The following PLEKHG4 variants were observed in gnomAD, a reference collection of about 807,000 sequenced individuals.
PLEKHG4 encodes the protein pleckstrin homology and RhoGEF domain containing G4.
Under a neutral mutation model 136.9 loss-of-function variants are expected in PLEKHG4, and 85 were observed. The ratio of observed to expected loss-of-function variants is 0.62; its 90% CI spans 0.52 to 0.74. The LOEUF (loss-of-function observed/expected upper bound fraction) is 0.74. Among genes scored for constraint, PLEKHG4 ranks in the 30% least tolerant of loss-of-function variants. The pLI is 0.00. For synonymous variants in PLEKHG4, 577 were observed against 646.9 expected, an observed-to-expected ratio of 0.89 and a Z score of 1.64; for missense variants, 1,317 against 1,527.8, an observed-to-expected ratio of 0.86 and a Z score of 2.30.
rs1196122953 is a variant in PLEKHG4, at chr16:67,280,920, T to C, written c.634T>C (p.Cys212Arg). ...DVQGRAVLLL[C>R]AHSPAWLQSE... ...CCAAGGCCGGGCAGTGCTGCTTCTG[T>C]GTGCCCACAGCCCAGCCTGGCTTCA... The change falls in exon 4 of 22, where the codon TGT becomes CGT. Residue 212 changes from cysteine to arginine, a missense_variant. Coordinates refer to ENST00000379344, the MANE Select transcript of PLEKHG4 (RefSeq NM_001129729.3). This position sits in a 1 kb window ranked among gnomAD's most constrained non-coding sequence, Gnocchi z 4.4. 11 of 1,613,004 alleles carry C rather than the reference T, an allele frequency of 6.8e-6. No homozygotes were observed. Among genetic ancestry groups the C allele is most frequent in the Non-Finnish European group, 9.3e-6 (11 of 1,180,024 alleles).
At chr16:67,282,155 C>G (rs1302085722) in intron 8 of PLEKHG4, 46 bp from the exon 9 acceptor site, 3 of 1,596,492 alleles carry the variant, frequency 1.9e-6, no homozygotes, top group African/African-American at 1.3e-5. Flanking sequence ...TGTCTCCCTC[C>G]TTCTCTCCCA....
At chr16:67,287,243 G>A (rs944331258) in intron 18 of PLEKHG4, 66 bp downstream of exon 18, 1 of 1,533,578 alleles carries the variant, frequency 6.5e-7, no homozygotes, top group Non-Finnish European at 8.9e-7. Context: ...ACCCACAGGA[G>A]CCCAGAGACC....
At chr16:67,279,819 G>A in intron 1 of PLEKHG4, 57 bp from the exon 2 acceptor site, 1 of 564,592 alleles carries the variant, frequency 1.8e-6, no homozygotes, top group Non-Finnish European at 3.2e-6. Context: ...AGGCCCACGG[G>A]CGTCCGACGG....
Position 67,288,552 on chromosome 16 carries a change from G to A in PLEKHG4, c.3518G>A (p.Ser1173Asn). The change falls in exon 21 of 22, where the codon AGC becomes AAC. Residue 1173 changes from serine (S) to asparagine (N), a missense_variant. By Grantham distance (46) the Ser-to-Asn change is conservative. Coordinates refer to ENST00000379344, the MANE Select transcript of PLEKHG4 (RefSeq NM_001129729.3). ...PSASGSSGSDSSCVSGQALGR... is the reference protein window; with the variant it reads ...PSASGSSGSDNSCVSGQALGR... Reference sequence around the variant, plus strand: ...GCCAGTGGCTCCAGTGGCTCTGACAGCAGCTGTGTGTCAGGGCAGGCCCTG... The same window carrying A: ...GCCAGTGGCTCCAGTGGCTCTGACAACAGCTGTGTGTCAGGGCAGGCCCTG... 2 of 1,613,758 alleles carry A rather than the reference G, an allele frequency of 1.2e-6. No individual in the cohort carries two copies. The highest frequency in any genetic ancestry group is 1.3e-5 in the African/African-American group (1 of 75,060).
rs959628433 is a variant in PLEKHG4, at chr16:67,289,327, T to C, written c.*519T>C. ...CCTTTTTACTGGGGCAGTTTCGTTA[T>C]TTTGACTTGATGCCTTTTGAATAAC... On this transcript the variant is annotated 3_prime_UTR_variant, in exon 22 of 22. Coordinates refer to ENST00000379344, the MANE Select transcript of PLEKHG4 (RefSeq NM_001129729.3). The C allele has an allele frequency of 2.1e-6, 1 of 468,430 alleles. No homozygotes were observed. Among genetic ancestry groups the C allele is most frequent in the African/African-American group, 2.0e-5 (1 of 50,778 alleles). 29.0% of individuals were successfully genotyped at this position (468,430 alleles called of 1,614,324 possible). A position where few individuals can be genotyped will look rare whatever the true frequency, so the allele number is the denominator to read the frequency against.
chr16:67,281,040 C>T (rs763366247), intron 4 of PLEKHG4, 35 bp downstream of exon 4: 1 of 1,613,936 alleles, frequency 6.2e-7, no homozygotes, highest in Non-Finnish European at 8.5e-7. Context: ...TGAGCCTGAG[C>T]CAGCTGTGAG....
rs886041026 is a variant in PLEKHG4 at position 67,280,029 on chromosome 16, C to G, written c.-16C>G. On this transcript the variant is annotated 5_prime_UTR_variant, in exon 2 of 22. Transcript: ENST00000379344. The surrounding 1 kb of genome is among the most constrained non-coding windows in gnomAD (Gnocchi z 4.4). The stretch of plus-strand genomic sequence containing the variant: ...CTCCCGCTGGCCCCGAGCAGGCCCA[C>G]CTTTAGGAGGGCGTGATGGAAAGGC... 1.2e-6 allele frequency: 2 copies of G among 1,611,686 alleles called. No individual in the cohort carries two copies. The highest frequency in any genetic ancestry group is 2.7e-5 in the African/African-American group (2 of 74,908).
chr16:67,281,157 C>A lies in PLEKHG4; in HGVS notation c.786C>A (p.Ser262=). Residue 262 remains serine (S), a synonymous_variant, in exon 5 of 22, where the codon TCC becomes TCA. Coordinates refer to ENST00000379344, the MANE Select transcript of PLEKHG4 (RefSeq NM_001129729.3). ...VDARICAPSS[S]LFSGLSQLQE... ...CCCGAATTTGTGCTCCAAGTTCTTC[C>A]CTCTTCTCTGGGCTCAGCCAACTAC... is the stretch of plus-strand genomic sequence containing the variant. The A allele has an allele frequency of 6.2e-7, 1 of 1,613,910 alleles. No individual in the cohort carries two copies. Among genetic ancestry groups the A allele is most frequent in the Non-Finnish European group, 8.5e-7 (1 of 1,179,844 alleles).
At position 67,280,560 on chromosome 16, in the gene PLEKHG4, T is replaced by G; in HGVS notation, c.499+17T>G. ...TGGAGGCAGGTAAGGAAGGCTGGGC[T>G]AGGGAAGTCTGGGAAGGGAATGGGG... is the stretch of plus-strand genomic sequence containing the variant. On this transcript the variant is annotated intron_variant, in intron 2 of 21. Transcript: ENST00000379344. The surrounding 1 kb of genome is among the most constrained non-coding windows in gnomAD (Gnocchi z 4.4). 1 of 1,612,982 alleles carries G rather than the reference T, an allele frequency of 6.2e-7. No homozygotes were observed. The highest frequency in any genetic ancestry group is 2.2e-5 in the East Asian group (1 of 44,870).
chr16:67,287,725 C>T (rs547342913), intron 18 of PLEKHG4, 173 bp from the exon 19 acceptor site: 19 of 678,950 alleles, frequency 2.8e-5, no homozygotes, highest in Non-Finnish European at 4.6e-5. Flanking sequence ...GAATATGGCA[C>T]CTGCCCCACA....
At chr16:67,285,574 C>T in intron 14 of PLEKHG4, 38 bp downstream of exon 14, 1 of 1,600,126 alleles carries the variant, frequency 6.2e-7, no homozygotes, top group Non-Finnish European at 8.5e-7. Flanking sequence ...GCTCGTTCTG[C>T]CACACTCCCG....
rs561996240 is a variant in PLEKHG4, at chr16:67,286,917, A to G, written c.2923A>G (p.Lys975Glu). The change falls in exon 17 of 22, where the codon AAG (lysine) becomes GAG (glutamate). Residue 975 changes from lysine (K) to glutamate (E), a missense_variant and splice_region_variant. Physicochemically the swap from Lys to Glu is moderately conservative, Grantham distance 56 (BLOSUM62 1). Coordinates refer to ENST00000379344, the MANE Select transcript of PLEKHG4 (RefSeq NM_001129729.3). ...CACATTTGCCTACAAGCGCTCCTTC[A>G]AGGTAGGCCTGCCCACCCCAGGCCC... ...VDTFAYKRSF[K>E]MADLGLTECC... is the part of the protein sequence containing the mutation. 13 of 1,613,758 alleles carry G rather than the reference A, an allele frequency of 8.1e-6. No individual in the cohort carries two copies. In the South Asian group the frequency reaches 1.4e-4, roughly 18 times the overall value.
chr16:67,285,263 T>G (rs1597383122), intron 13 of PLEKHG4, 27 bp from the exon 14 acceptor site: 1 of 1,613,824 alleles, frequency 6.2e-7, no homozygotes, highest in Non-Finnish European at 8.5e-7. Flanking sequence ...AGAGATGTCT[T>G]GGGTCCTGAC....
rs893350612 is a variant in PLEKHG4 at position 67,280,876 on chromosome 16, C to T, written c.596-6C>T. ...ACGGCAGGAGTTCACTGCTTCCTCCCCACAGGGACTCGGGATGTCCAAGGC... is the reference window on the plus strand; with the variant it reads ...ACGGCAGGAGTTCACTGCTTCCTCCTCACAGGGACTCGGGATGTCCAAGGC... On this transcript the variant is annotated splice_region_variant and splice_polypyrimidine_tract_variant and intron_variant, in intron 3 of 21. Coordinates refer to ENST00000379344, the MANE Select transcript of PLEKHG4 (RefSeq NM_001129729.3). The surrounding 1 kb of genome is among the most constrained non-coding windows in gnomAD (Gnocchi z 4.4). The T allele has an allele frequency of 6.2e-7, 1 of 1,613,120 alleles. No individual in the cohort carries two copies. The highest frequency in any genetic ancestry group is 1.3e-5 in the African/African-American group (1 of 75,060).
chr16:67,285,094 C>T lies in PLEKHG4; in HGVS notation c.2074C>T (p.His692Tyr), dbSNP rs2036405939. The stretch of plus-strand genomic sequence containing the variant: ...GCAGAGTCTCAGTGAACCTGCCTGC[C>T]ACTGCCACCATGCGGCCACTATTGC... The part of the protein sequence containing the change: ...LGQSLSEPAC[H>Y]CHHAATIAAC... Residue 692 changes from histidine (H) to tyrosine (Y), a missense_variant, in exon 13 of 22, where the codon CAC (histidine) becomes TAC (tyrosine). Coordinates refer to ENST00000379344, the MANE Select transcript of PLEKHG4 (RefSeq NM_001129729.3). The T allele has an allele frequency of 6.2e-7, 1 of 1,613,444 alleles. No individual in the cohort carries two copies. The highest frequency in any genetic ancestry group is 8.5e-7 in the Non-Finnish European group (1 of 1,180,034).
At position 67,284,189 on chromosome 16, in the gene PLEKHG4, A is replaced by G. The variant is rs2036351628; in HGVS notation, c.1510-86A>G. The G allele has an allele frequency of 8.6e-7, 1 of 1,168,618 alleles. No individual in the cohort carries two copies. The highest frequency in any genetic ancestry group is 1.5e-5 in the African/African-American group (1 of 66,066). The allele number at this position is 1,168,618 out of a possible 1,614,324, so 72.4% of individuals were successfully genotyped here. The stretch of plus-strand genomic sequence containing the variant: ...ACCACAGGACAGACTTGATGGGGAC[A>G]TGTCGATATGTCAGCAGGAAGTATC... On this transcript the variant is annotated intron_variant, in intron 11 of 21. Transcript: ENST00000379344. The surrounding 1 kb of genome is among the most constrained non-coding windows in gnomAD (Gnocchi z 4.4).
rs1338644219 is a variant in PLEKHG4 at position 67,279,577 on chromosome 16, T to C, written c.-219T>C. 2 of 152,118 alleles carry C rather than the reference T, an allele frequency of 1.3e-5. No homozygotes were observed. Among genetic ancestry groups the C allele is most frequent in the Non-Finnish European group, 2.9e-5 (2 of 68,110 alleles). 9.4% of individuals were successfully genotyped at this position (152,118 alleles called of 1,614,324 possible). On this transcript the variant is annotated 5_prime_UTR_variant, in exon 1 of 22. Coordinates refer to ENST00000379344, the MANE Select transcript of PLEKHG4 (RefSeq NM_001129729.3). ...TGTAGTGGCCGTCGAGGCCGCCGTC[T>C]GTTCGAAGGCTGTCCGACTTCACGG...
rs929084926 is a variant in PLEKHG4 at position 67,284,202 on chromosome 16, A to C, written c.1510-73A>C. 7.5e-7 allele frequency: 1 copy of C among 1,341,246 alleles called. No homozygotes were observed. The allele number at this position is 1,341,246 out of a possible 1,614,324, so 83.1% of individuals were successfully genotyped here. The stretch of plus-strand genomic sequence containing the variant: ...CTTGATGGGGACATGTCGATATGTC[A>C]GCAGGAAGTATCTGAGTCTGGGGGC... On this transcript the variant is annotated intron_variant, in intron 11 of 21. Coordinates refer to ENST00000379344, the MANE Select transcript of PLEKHG4 (RefSeq NM_001129729.3). The surrounding 1 kb of genome is among the most constrained non-coding windows in gnomAD (Gnocchi z 4.4).
rs145774796 is a variant in PLEKHG4 at position 67,281,584 on chromosome 16, C to T, written c.831C>T (p.Ala277=). 5.5e-5 allele frequency: 88 copies of T among 1,613,492 alleles called. No homozygotes were observed. Among genetic ancestry groups the T allele is most frequent in the Middle Eastern group, 1.6e-4 (1 of 6,084 alleles). ...LSQLQEAAPG[A]VYQVLLVGST... ...CCTTGCAGGAAGCAGCCCCAGGGGC[C>T]GTGTACCAGGTGCTGCTAGTGGGAA... The change falls in exon 6 of 22, where the codon GCC becomes GCT. Residue 277 remains alanine (A), a synonymous_variant. Transcript: ENST00000379344.
Sources: gnomAD v4.1 joint callset for allele counts on GRCh38, gnomAD v4.1.1 for gene constraint, Gnocchi (gnomAD v3.1) non-coding constraint, MANE v1.5 for transcripts, NCBI Gene and HGNC (gene_info 2026-07-23, HGNC 2026-07-21) for gene names.